The following HK1 variants were observed in gnomAD, a reference collection of about 807,000 sequenced individuals.
HK1 encodes hexokinase 1.
In HK1, 28 loss-of-function variants were observed where a neutral mutation model predicts 91.6. The ratio of observed to expected loss-of-function variants is 0.31; its 90% CI spans 0.23 to 0.42. The LOEUF is 0.42. Among genes scored for constraint, HK1 ranks in the 10% least tolerant of loss-of-function variants. The pLI is 1.00. For synonymous variants in HK1, 430 were observed against 468.1 expected (o/e 0.92, Z 1.05); for missense variants, 770 against 1,219.8 (o/e 0.63, Z 5.49).
At chr10:69,340,820 T>C (rs1223453928) in intron 1 of HK1, among the ~76,000 whole-genome samples, 7 of 152,172 alleles carry the variant, frequency 4.6e-5, no homozygotes, top group Non-Finnish European at 1.0e-4. Context: ...GGATCCCGCT[T>C]GTATTTGTTT....
chr10:69,287,236 G>T (rs1018097514), intron 2 of HK1, among the ~76,000 whole-genome samples: 2 of 152,146 alleles, frequency 1.3e-5, no homozygotes, highest in African/African-American at 4.8e-5. Context: ...GGGAAGCAAG[G>T]CACCTTCTTC....
At chr10:69,360,294 G>A (rs1003629691) in intron 3 of HK1, among the ~76,000 whole-genome samples, 7 of 152,260 alleles carry the variant, frequency 4.6e-5, no homozygotes, top group Admixed American at 4.6e-4. Flanking sequence ...TGGACTAGCA[G>A]AGTCTGGGTT....
intron 7 of HK1, among the ~76,000 whole-genome samples, chr10:69,374,115 G>A (rs940831306): frequency 2.0e-5 from 3 of 152,214 alleles, no homozygotes; most frequent in Non-Finnish European, 4.4e-5. Flanking sequence ...GCGCCTTCAA[G>A]TCAGCACCCA....
At chr10:69,310,955 G>T (rs1846342584), upstream of HK1, among the ~76,000 whole-genome samples, 1 of 152,042 alleles carries the variant, frequency 6.6e-6, no homozygotes, top group African/African-American at 2.4e-5. Flanking sequence ...TACTCAGGGG[G>T]CTGAGGCAGG....
chr10:69,348,576 C>G (rs373244412), intron 2 of HK1, among the ~76,000 whole-genome samples: 2 of 152,020 alleles, frequency 1.3e-5, no homozygotes, highest in African/African-American at 2.4e-5. Flanking sequence ...TTTGGGAGGC[C>G]GAGGCAGGCG....
chr10:69,282,118 C>G (rs569554315), intron 1 of HK1, among the ~76,000 whole-genome samples: 1 of 152,314 alleles, frequency 6.6e-6, no homozygotes, highest in East Asian at 1.9e-4. Flanking sequence ...CCTGAATTAA[C>G]TCCTGTAAGC....
intron 3 of HK1, among the ~76,000 whole-genome samples, chr10:69,293,057 C>A (rs1845370356): frequency 6.6e-6 from 1 of 152,196 alleles, no homozygotes; most frequent in Non-Finnish European, 1.5e-5. Flanking sequence ...GGCTCCAGAG[C>A]AGGCATGCTG....
upstream of HK1, among the ~76,000 whole-genome samples, chr10:69,313,564 G>T (rs1250499227): frequency 6.6e-6 from 1 of 152,194 alleles, no homozygotes; most frequent in Non-Finnish European, 1.5e-5. Context: ...CCGGGTTCAA[G>T]CGATTCTCCT....
chr10:69,343,063 G>A (rs1188205894), intron 1 of HK1, among the ~76,000 whole-genome samples: 1 of 152,136 alleles, frequency 6.6e-6, no homozygotes, highest in Non-Finnish European at 1.5e-5. Context: ...CCATGGCCTG[G>A]CACACAGGCC....
At position 69,366,484 on chromosome 10, in the gene HK1, C is replaced by T. The variant is rs112558531; in HGVS notation, c.495+1582C>T. 4.4e-3 allele frequency among the ~76,000 whole-genome samples: 676 copies of T among 152,186 alleles called. 4 individuals are homozygous for T. The highest frequency in any genetic ancestry group is 0.024 in the Middle Eastern group (7 of 294). On this transcript the variant is annotated intron_variant, in intron 4 of 17. Transcript: ENST00000359426. The stretch of plus-strand genomic sequence containing the variant: ...GAAGGGGCTTGAGAGCACAGCAGGC[C>T]AAGATGAGCGCAGAGGTCTCCCCAG...
At chr10:69,284,703 A>G (rs1410892034) in intron 2 of HK1, among the ~76,000 whole-genome samples, 1 of 152,140 alleles carries the variant, frequency 6.6e-6, no homozygotes, top group African/African-American at 2.4e-5. Context: ...CAGTGGCACA[A>G]CCTCGGCTTA....
chr10:69,312,393 C>T (rs573652704), upstream of HK1, among the ~76,000 whole-genome samples: 5 of 152,238 alleles, frequency 3.3e-5, no homozygotes, highest in South Asian at 2.1e-4. Context: ...TGCACCACCA[C>T]GCCCAGCTAA....
chr10:69,353,560 T>C (rs1488222234), intron 2 of HK1, among the ~76,000 whole-genome samples: 1 of 149,136 alleles, frequency 6.7e-6, no homozygotes, highest in Admixed American at 6.8e-5. Flanking sequence ...GCAACTGCAC[T>C]GCACTCCAGC....
chr10:69,361,833 T>C (rs78737295), intron 3 of HK1, among the ~76,000 whole-genome samples: 7,283 of 152,268 alleles, frequency 0.048, 589 homozygotes, highest in African/African-American at 0.17. Context: ...CTTCTTTTTT[T>C]TAAGACGGAG....
intron 1 of HK1, 62 bp from the exon 2 acceptor site, chr10:69,343,765 T>C: frequency 7.6e-7 from 1 of 1,314,894 alleles, no homozygotes; most frequent in Non-Finnish European, 1.1e-6. Flanking sequence ...AGCGGGTGGG[T>C]GCCTCACCTT....
Position 69,400,973 on chromosome 10 carries a change from T to C in HK1, c.2610-18T>C. The C allele has an allele frequency of 6.2e-7, 1 of 1,614,156 alleles. No individual in the cohort carries two copies. The highest frequency in any genetic ancestry group is 8.5e-7 in the Non-Finnish European group (1 of 1,180,016). On this transcript the variant is annotated intron_variant, in intron 17 of 17. Transcript: ENST00000359426. ...CTCATCTTCCTCCAACTACCTTCTG[T>C]TTTCTCGTCCTTTTTAGCTTCTCCA...
At chr10:69,368,396 C>G (rs1315925763) in intron 4 of HK1, 140 bp from the exon 5 acceptor site, 1 of 727,650 alleles carries the variant, frequency 1.4e-6, no homozygotes, top group Non-Finnish European at 2.5e-6. Flanking sequence ...TGGGCCCCTC[C>G]CCAAGCCCAG....
intron 1 of HK1, among the ~76,000 whole-genome samples, chr10:69,342,609 G>T (rs1272509986): frequency 6.6e-6 from 1 of 152,222 alleles, no homozygotes; most frequent in Non-Finnish European, 1.5e-5. Flanking sequence ...GGGAGGCATT[G>T]CAAGGCTTTG....
intron 15 of HK1, among the ~76,000 whole-genome samples, chr10:69,393,838 G>A (rs1840019959): frequency 6.6e-6 from 1 of 152,184 alleles, no homozygotes; most frequent in Admixed American, 6.5e-5. Flanking sequence ...AGCTCAGGAG[G>A]TTGAGACCAC....
Sources: gnomAD v4.1 joint callset for allele counts (sites outside exome capture counted in the v4.1 genomes callset) on GRCh38, gnomAD v4.1.1 for gene constraint, MANE v1.5 for transcripts, NCBI Gene and HGNC (gene_info 2026-07-23, HGNC 2026-07-21) for gene names.